Variants in CSMD1 observed in about 807,000 individuals in gnomAD.
The protein encoded by CSMD1 is CUB and sushi domain-containing protein 1.
Under a neutral mutation model 417.5 loss-of-function variants are expected in CSMD1, and 213 were observed. The observed-to-expected ratio is 0.51, with a 90% CI of 0.46 to 0.57. The LOEUF is 0.57. CSMD1 is among the 20% of genes least tolerant of loss of function. The pLI is 0.00. For synonymous variants in CSMD1, 2,862 were observed against 1,736.8 expected (o/e 1.65, Z -16.11); for missense variants, 6,923 against 4,529.7 (o/e 1.53, Z -15.17).
intron 3 of CSMD1, among the ~76,000 whole-genome samples, chr8:4,179,273 ACG>A (rs1798223958): frequency 1.3e-5 from 2 of 152,126 alleles, no homozygotes; most frequent in South Asian, 2.1e-4. Flanking sequence ...AAATAATGCC[ACG>A]TATCTACAAC....
chr8:3,061,021 T>A (rs1433185739), intron 49 of CSMD1, among the ~76,000 whole-genome samples: 1 of 152,230 alleles, frequency 6.6e-6, no homozygotes, highest in Non-Finnish European at 1.5e-5. Flanking sequence ...GTGTAGGAAC[T>A]AAAGATTTGT....
chr8:4,439,508 A>G (rs1310881117), intron 2 of CSMD1, among the ~76,000 whole-genome samples: 2 of 151,476 alleles, frequency 1.3e-5, no homozygotes, highest in African/African-American at 2.4e-5. Context: ...TGAGATAGCT[A>G]TATACATATA....
intron 36 of CSMD1, among the ~76,000 whole-genome samples, chr8:3,184,207 C>G (rs1176066097): frequency 6.6e-6 from 1 of 152,172 alleles, no homozygotes; most frequent in African/African-American, 2.4e-5. Flanking sequence ...TCCTTTGATT[C>G]ACTTTGACTT....
intron 49 of CSMD1, among the ~76,000 whole-genome samples, chr8:3,072,636 C>T (rs997487508): frequency 1.2e-4 from 18 of 152,102 alleles, no homozygotes; most frequent in Middle Eastern, 6.3e-3. Flanking sequence ...CATTTGTGGG[C>T]CTCCTTTTAA....
chr8:3,329,888 A>C (rs1806783007), intron 23 of CSMD1, among the ~76,000 whole-genome samples: 1 of 152,206 alleles, frequency 6.6e-6, no homozygotes, highest in Non-Finnish European at 1.5e-5. Context: ...GGCTCATGGA[A>C]ATGCTTTGAT....
chr8:3,630,476 A>G (rs1350015538), intron 7 of CSMD1, among the ~76,000 whole-genome samples: 1 of 152,234 alleles, frequency 6.6e-6, no homozygotes, highest in Non-Finnish European at 1.5e-5. Flanking sequence ...AAAGCATGAA[A>G]GATGCTTAGA....
At chr8:3,498,350 G>A (rs987261777) in intron 10 of CSMD1, among the ~76,000 whole-genome samples, 1 of 152,202 alleles carries the variant, frequency 6.6e-6, no homozygotes, top group Non-Finnish European at 1.5e-5. Flanking sequence ...CAAATCAGGA[G>A]AACTGTGATA....
chr8:3,312,123 GATGT>G lies in CSMD1; in HGVS notation c.3632-3624_3632-3621del, dbSNP rs747553565. On this transcript the variant is annotated intron_variant, in intron 23 of 69. Coordinates refer to ENST00000635120, the MANE Select transcript of CSMD1 (RefSeq NM_033225.6). ...CCAAAAAAAACAAGCAAAGAAAAAA[GATGT>G]ATCCATTAAAATGTCTACTAAACTT... Among the ~76,000 whole-genome samples the G allele has an allele frequency of 2.2e-3, 339 of 152,142 alleles. 3 individuals are homozygous for G. Among genetic ancestry groups the G allele is most frequent in the Non-Finnish European group, 2.3e-3 (153 of 67,982 alleles).
In CSMD1 at chr8:4,297,738, G is replaced by T. The variant is rs555932529; in HGVS notation, c.415+122215C>A. 4.6e-5 allele frequency among the ~76,000 whole-genome samples: 7 copies of T among 152,170 alleles called. No individual in the cohort carries two copies. The East Asian group carries it at 1.2e-3, about 25-fold the overall frequency. ...CTCTGTGTTGGAAGATCATTCAATG[G>T]CACCACTAACGATTAAGAACCAACA... On this transcript the variant is annotated intron_variant, in intron 3 of 69. Transcript: ENST00000635120.
At chr8:4,639,587 A>G (rs973838673) in intron 1 of CSMD1, among the ~76,000 whole-genome samples, 5 of 152,192 alleles carry the variant, frequency 3.3e-5, no homozygotes, top group Non-Finnish European at 5.9e-5. Flanking sequence ...TTTTGACACT[A>G]AAAATATTGA....
chr8:3,287,971 C>G lies in CSMD1; in HGVS notation c.3951-3625G>C, dbSNP rs527786996. Among the ~76,000 whole-genome samples the G allele has an allele frequency of 3.4e-5, 5 of 146,612 alleles. 1 individual carries two copies. Among genetic ancestry groups the G allele is most frequent in the Admixed American group, 3.4e-4 (5 of 14,912 alleles). On this transcript the variant is annotated intron_variant, in intron 25 of 69. Transcript: ENST00000635120. The stretch of plus-strand genomic sequence containing the variant: ...AGATAGCTCTTATTATTTTGAGATA[C>G]GTCCCATCAATACCTTATTTATTGA...
At chr8:4,426,377 TGTA>T (rs2128943673) in intron 2 of CSMD1, among the ~76,000 whole-genome samples, 1 of 149,988 alleles carries the variant, frequency 6.7e-6, no homozygotes, top group Admixed American at 6.7e-5. Context: ...ATATTTTGTA[TGTA>T]GTATATATAG....
At chr8:3,655,659 G>GTTTT (rs11293138) in intron 7 of CSMD1, among the ~76,000 whole-genome samples, 1 of 139,562 alleles carries the variant, frequency 7.2e-6, no homozygotes, top group Non-Finnish European at 1.5e-5. Flanking sequence ...TGGAGGTTGC[G>GTTTT]TTTTTTTTTT....
chr8:3,501,139 A>G (rs778292708), intron 10 of CSMD1, among the ~76,000 whole-genome samples: 14 of 152,238 alleles, frequency 9.2e-5, no homozygotes, highest in Non-Finnish European at 1.5e-4. Context: ...ATATGGGTCC[A>G]TTCAAATAGA....
chr8:3,675,090 G>A (rs117439030), intron 7 of CSMD1, among the ~76,000 whole-genome samples: 239 of 152,218 alleles, frequency 1.6e-3, no homozygotes, highest in African/African-American at 5.3e-3. Flanking sequence ...ACCATAAAAC[G>A]CCATCTTGAA....
intron 3 of CSMD1, among the ~76,000 whole-genome samples, chr8:4,167,953 C>T (rs1365557666): frequency 2.6e-5 from 4 of 151,948 alleles, no homozygotes; most frequent in African/African-American, 9.7e-5. Context: ...CATGGTGAAA[C>T]CCTATCTCTA....
chr8:3,166,363 G>A (rs906949679), intron 37 of CSMD1, among the ~76,000 whole-genome samples: 2 of 151,820 alleles, frequency 1.3e-5, no homozygotes, highest in Non-Finnish European at 1.5e-5. Context: ...CTGAAACCCC[G>A]TCTCGACCAC....
intron 5 of CSMD1, among the ~76,000 whole-genome samples, chr8:3,929,444 T>C (rs1183243049): frequency 6.7e-6 from 1 of 150,264 alleles, no homozygotes; most frequent in Non-Finnish European, 1.5e-5. Flanking sequence ...GTCCAAAAGC[T>C]GGAGGGGACA....
intron 1 of CSMD1, among the ~76,000 whole-genome samples, chr8:4,963,735 C>G (rs1055716648): frequency 6.6e-6 from 1 of 152,148 alleles, no homozygotes; most frequent in African/African-American, 2.4e-5. Context: ...TAACACTCAA[C>G]TCAAGTTTTC....
Sources: allele counts gnomAD v4.1 joint callset (sites outside exome capture counted in the v4.1 genomes callset), GRCh38; gene constraint gnomAD v4.1.1; transcripts MANE v1.5; gene names NCBI Gene and HGNC (gene_info 2026-07-23, HGNC 2026-07-21).